CCNY: variants seen among roughly 807,000 people sequenced by gnomAD.
CCNY encodes cyclin-Y.
Under a neutral mutation model 42.8 loss-of-function variants are expected in CCNY, and 19 were observed. That is an observed-to-expected ratio of 0.44 (90% CI 0.31 to 0.65). The LOEUF (loss-of-function observed/expected upper bound fraction) is 0.65, where lower values mean the gene tolerates loss of function less well. Among genes scored for constraint, CCNY ranks in the 30% least tolerant of loss-of-function variants. The pLI is 0.07. For missense variants in CCNY, 370 were observed against 437.3 expected, an observed-to-expected ratio of 0.85 and a Z score of 1.37; for synonymous variants, 165 against 162.7, an observed-to-expected ratio of 1.01 and a Z score of -0.11.
intron 3 of CCNY, among the ~76,000 whole-genome samples, chr10:35,505,738 T>C (rs1460697096): frequency 6.6e-6 from 1 of 152,222 alleles, no homozygotes; most frequent in Non-Finnish European, 1.5e-5. Context: ...GGAATTTAGG[T>C]AAAATTGATT....
intron 1 of CCNY, among the ~76,000 whole-genome samples, chr10:35,395,689 T>A (rs1165701214): frequency 2.0e-5 from 3 of 152,066 alleles, no homozygotes; most frequent in Non-Finnish European, 2.9e-5. Flanking sequence ...GGAGGTCCAT[T>A]TTGGAAGAGC....
chr10:35,438,038 G>C (rs1838577758), intron 1 of CCNY, among the ~76,000 whole-genome samples: 1 of 152,010 alleles, frequency 6.6e-6, no homozygotes. Context: ...GCTTCTGTGT[G>C]TCTCTCTCTC....
At chr10:35,542,604 G>C (rs1226913206) in intron 7 of CCNY, among the ~76,000 whole-genome samples, 3 of 152,188 alleles carry the variant, frequency 2.0e-5, no homozygotes, top group Non-Finnish European at 4.4e-5. Flanking sequence ...GTGGGGTTGG[G>C]TCTCAGCCTG....
At chr10:35,419,592 G>A (rs1838113428) in intron 1 of CCNY, among the ~76,000 whole-genome samples, 1 of 149,734 alleles carries the variant, frequency 6.7e-6, no homozygotes, top group African/African-American at 2.5e-5. Context: ...TCGGTCTGAG[G>A]AAGTTATTGG....
intron 3 of CCNY, among the ~76,000 whole-genome samples, chr10:35,279,349 A>G (rs761045610): frequency 6.6e-6 from 1 of 152,006 alleles, no homozygotes. Flanking sequence ...CCTGGCCTCA[A>G]GCAATCCACC....
At chr10:35,509,691 C>G (rs1840286459) in intron 3 of CCNY, among the ~76,000 whole-genome samples, 1 of 152,016 alleles carries the variant, frequency 6.6e-6, no homozygotes, top group Non-Finnish European at 1.5e-5. Flanking sequence ...CCTGGTGGTC[C>G]TGGAAAAGTG....
intron 1 of CCNY, among the ~76,000 whole-genome samples, chr10:35,438,074 A>G (rs1017671925): frequency 1.3e-5 from 2 of 151,848 alleles, no homozygotes; most frequent in Admixed American, 1.3e-4. Context: ...CGTATTTATC[A>G]TCATACAAAT....
chr10:35,480,446 C>T (rs929549052), intron 1 of CCNY, among the ~76,000 whole-genome samples: 12 of 152,062 alleles, frequency 7.9e-5, no homozygotes, highest in Admixed American at 3.9e-4. Context: ...AGGGTGCCAT[C>T]GCTCAGGAGT....
At chr10:35,540,204 TGTGA>T (rs1348994048) in intron 7 of CCNY, among the ~76,000 whole-genome samples, 1 of 152,238 alleles carries the variant, frequency 6.6e-6, no homozygotes, top group Non-Finnish European at 1.5e-5. Context: ...TGCTGTGTGC[TGTGA>T]GTTTTTTGTA....
intron 1 of CCNY, among the ~76,000 whole-genome samples, chr10:35,361,479 T>A (rs1299824083): frequency 2.0e-5 from 3 of 152,198 alleles, no homozygotes; most frequent in African/African-American, 4.8e-5. Flanking sequence ...TTTAATTTTT[T>A]AAAAAACTCA....
chr10:35,267,629 A>G (rs2095726954), intron 3 of CCNY, among the ~76,000 whole-genome samples: 1 of 152,170 alleles, frequency 6.6e-6, no homozygotes, highest in East Asian at 1.9e-4. Context: ...AAGGAAGACG[A>G]TGGGGCCCTG....
intron 9 of CCNY, among the ~76,000 whole-genome samples, chr10:35,568,262 G>C (rs1449174145): frequency 1.3e-5 from 2 of 152,158 alleles, no homozygotes; most frequent in Non-Finnish European, 2.9e-5. Flanking sequence ...CCTGCTTCTG[G>C]GGCTGCTGTG....
intron 1 of CCNY, among the ~76,000 whole-genome samples, chr10:35,416,773 G>T (rs1012430539): frequency 6.6e-6 from 1 of 152,186 alleles, no homozygotes; most frequent in Non-Finnish European, 1.5e-5. Context: ...ACCTGCTTTT[G>T]TGGCCCTGTT....
At chr10:35,468,118 A>G (rs1839307857) in intron 1 of CCNY, among the ~76,000 whole-genome samples, 1 of 152,256 alleles carries the variant, frequency 6.6e-6, no homozygotes, top group African/African-American at 2.4e-5. Context: ...TTCAAGATCA[A>G]GGTGCTGGCA....
In CCNY at chr10:35,429,581, G is replaced by A. The variant is rs141989125; in HGVS notation, c.155-53823G>A. Among the ~76,000 whole-genome samples the A allele has an allele frequency of 3.2e-4, 49 of 152,276 alleles. No individual in the cohort carries two copies. In the East Asian group the frequency reaches 5.0e-3, roughly 16 times the overall value. On this transcript the variant is annotated intron_variant, in intron 1 of 9. Transcript: ENST00000374704. ...ATTTAAACTCTTAACCTCAGTTTAC[G>A]TATCTGTAAAACAGGGAGAAAATGG...
intron 4 of CCNY, among the ~76,000 whole-genome samples, chr10:35,524,285 C>G (rs1840605639): frequency 6.6e-6 from 1 of 152,216 alleles, no homozygotes; most frequent in Non-Finnish European, 1.5e-5. Flanking sequence ...ACCCCAGTTA[C>G]AATTTCTTCA....
At chr10:35,260,356 C>T (rs556754663) in intron 3 of CCNY, among the ~76,000 whole-genome samples, 2 of 152,262 alleles carry the variant, frequency 1.3e-5, no homozygotes, top group African/African-American at 4.8e-5. Context: ...TGCCCCTGCT[C>T]CCACTATTGC....
chr10:35,283,738 G>A (rs976215619), intron 3 of CCNY, among the ~76,000 whole-genome samples: 5 of 152,084 alleles, frequency 3.3e-5, no homozygotes, highest in African/African-American at 9.7e-5. Flanking sequence ...AATGGACGCC[G>A]TAACCACCTA....
chr10:35,343,140 T>C (rs915036944), intron 1 of CCNY, among the ~76,000 whole-genome samples: 4 of 150,054 alleles, frequency 2.7e-5, no homozygotes, highest in Admixed American at 6.6e-5. Flanking sequence ...GTAGCTGAGA[T>C]TACAGGTGCA....
Sources: allele counts gnomAD v4.1 joint callset (sites outside exome capture counted in the v4.1 genomes callset), GRCh38; gene constraint gnomAD v4.1.1; transcripts MANE v1.5; gene names NCBI Gene and HGNC (gene_info 2026-07-23, HGNC 2026-07-21).